GFPT1: variants seen among roughly 807,000 people sequenced by gnomAD.
The protein encoded by GFPT1 is glutamine--fructose-6-phosphate transaminase 1.
GFPT1 carries 40 observed loss-of-function variants against 92.0 expected under a neutral mutation model. The observed-to-expected ratio is 0.43, with a 90% CI of 0.34 to 0.57. The LOEUF (loss-of-function observed/expected upper bound fraction) is 0.57, where lower values mean the gene tolerates loss of function less well. Ranked by LOEUF, GFPT1 falls within the 20% of genes least tolerant of loss-of-function variation. The probability of loss-of-function intolerance (pLI) is 0.02; values close to 1 mark genes in which losing one functional copy is unlikely to be tolerated. For synonymous variants in GFPT1, 269 were observed against 280.6 expected, an observed-to-expected ratio of 0.96 and a Z score of 0.41; for missense variants, 448 against 869.1, an observed-to-expected ratio of 0.52 and a Z score of 6.09.
At chr2:69,333,180 CACAAA>C (rs1670711916) in intron 15 of GFPT1, among the ~76,000 whole-genome samples, 1 of 152,090 alleles carries the variant, frequency 6.6e-6, no homozygotes, top group Admixed American at 6.6e-5. Flanking sequence ...ATCAATTAAT[CACAAA>C]ACATACTACC....
At chr2:69,367,559 C>G (rs1369461948) in intron 3 of GFPT1, among the ~76,000 whole-genome samples, 1 of 152,122 alleles carries the variant, frequency 6.6e-6, no homozygotes, top group Non-Finnish European at 1.5e-5. Flanking sequence ...TGGGGTTTCA[C>G]CATGTTGCCC....
intron 15 of GFPT1, among the ~76,000 whole-genome samples, chr2:69,331,717 C>G (rs771686021): frequency 5.4e-4 from 80 of 149,034 alleles, no homozygotes; most frequent in Non-Finnish European, 9.3e-4. Flanking sequence ...TAATATATTT[C>G]TGAATATAAT....
chr2:69,370,457 A>G (rs1044025206), intron 2 of GFPT1, among the ~76,000 whole-genome samples: 6 of 152,348 alleles, frequency 3.9e-5, no homozygotes, highest in African/African-American at 1.4e-4. Flanking sequence ...GAAGGTAGCT[A>G]AGGAAAGAAG....
At position 69,325,813 on chromosome 2, in the gene GFPT1, C is replaced by T. The variant is rs1275725142; in HGVS notation, c.*376G>A. On this transcript the variant is annotated 3_prime_UTR_variant, in exon 20 of 20. Transcript: ENST00000357308. ...GCTTTAGATACTCCAATTAAATGCA[C>T]TACTCTTTCACTGGTCTGAATGAAG... 5.4e-6 allele frequency: 1 copy of T among 186,582 alleles called. No individual in the cohort carries two copies. Among genetic ancestry groups the T allele is most frequent in the East Asian group, 1.4e-4 (1 of 7,308 alleles). The allele number at this position is 186,582 out of a possible 1,614,324, so 11.6% of individuals were successfully genotyped here.
Position 69,326,859 on chromosome 2 carries a change from G to A in GFPT1, c.2055+55C>T. 2.0e-6 allele frequency: 3 copies of A among 1,526,548 alleles called. No homozygotes were observed. In the East Asian group the frequency reaches 6.7e-5, roughly 34 times the overall value. 94.6% of individuals were successfully genotyped at this position (1,526,548 alleles called of 1,614,324 possible). A position where few individuals can be genotyped will look rare whatever the true frequency, so the allele number is the denominator to read the frequency against. The stretch of plus-strand genomic sequence containing the variant: ...TTAAAAATTTAGGAGAAAAAAATCA[G>A]AATGTATCCAGGTAAAAAACCATCC... On this transcript the variant is annotated intron_variant, in intron 19 of 19. Transcript: ENST00000357308.
chr2:69,321,742 C>T lies in GFPT1; in HGVS notation c.*4447G>A, dbSNP rs1670407447. ...AGCAAAAACACATTCAACCACAGAA[C>T]ATTCAGAAAGCTAACAGGATCATTT... On this transcript the variant is annotated 3_prime_UTR_variant, in exon 20 of 20. Transcript: ENST00000357308. The T allele has an allele frequency of 6.6e-6, 1 of 152,150 alleles. No homozygotes were observed. The highest frequency in any genetic ancestry group is 6.5e-5 in the Admixed American group (1 of 15,278). The allele number at this position is 152,150 out of a possible 1,614,324, so 9.4% of individuals were successfully genotyped here.
chr2:69,338,386 T>C (rs908850940), intron 14 of GFPT1, 59 bp downstream of exon 14: 3 of 1,446,002 alleles, frequency 2.1e-6, no homozygotes, highest in Middle Eastern at 1.7e-4. Context: ...TGCCAAGATA[T>C]GCTAGAATTA....
intron 13 of GFPT1, among the ~76,000 whole-genome samples, chr2:69,339,728 C>A (rs1670891321): frequency 6.6e-6 from 1 of 152,084 alleles, no homozygotes; most frequent in Non-Finnish European, 1.5e-5. Flanking sequence ...CTTTTGCTTG[C>A]CCACAAATTT....
rs77447804 is a variant in GFPT1, at chr2:69,327,238, G to A, written c.1894-163C>T. 7.2e-3 allele frequency among the ~76,000 whole-genome samples: 1,091 copies of A among 152,216 alleles called. 6 individuals are homozygous for A. Among genetic ancestry groups the A allele is most frequent in the Middle Eastern group, 0.027 (8 of 294 alleles). On this transcript the variant is annotated intron_variant, in intron 18 of 19. Coordinates refer to ENST00000357308, the MANE Select transcript of GFPT1 (RefSeq NM_001244710.2). ...AATCTGATTGTTATTACTTATAGTCGAGGAAACAGAAGCGTTATGGGATCC... is the reference window on the plus strand; with the variant it reads ...AATCTGATTGTTATTACTTATAGTCAAGGAAACAGAAGCGTTATGGGATCC...
chr2:69,348,591 C>T (rs142327506), intron 10 of GFPT1, among the ~76,000 whole-genome samples: 8 of 152,264 alleles, frequency 5.3e-5, no homozygotes, highest in African/African-American at 1.7e-4. Flanking sequence ...TTGTTTCCTC[C>T]TCATTCTATC....
intron 15 of GFPT1, among the ~76,000 whole-genome samples, chr2:69,331,263 T>A (rs1299127383): frequency 6.6e-6 from 1 of 152,214 alleles, no homozygotes; most frequent in Non-Finnish European, 1.5e-5. Context: ...TTTTCATGTT[T>A]GTTGACCATT....
At chr2:69,341,648 TAC>T (rs35356748) in intron 13 of GFPT1, among the ~76,000 whole-genome samples, 25,391 of 151,930 alleles carry the variant, frequency 0.17, 2,320 homozygotes, top group African/African-American at 0.22. Flanking sequence ...GCACTGACAA[TAC>T]ACATTTTTGA....
intron 1 of GFPT1, among the ~76,000 whole-genome samples, chr2:69,376,450 C>T (rs1671872083): frequency 6.6e-6 from 1 of 151,408 alleles, no homozygotes. Context: ...ACCCAGGAGG[C>T]GGAGGTTGCA....
intron 9 of GFPT1, among the ~76,000 whole-genome samples, chr2:69,350,552 TAA>T (rs1558751698): frequency 6.6e-6 from 1 of 152,154 alleles, no homozygotes; most frequent in Non-Finnish European, 1.5e-5. Context: ...TCTTAACACA[TAA>T]AAGTTTGTGT....
rs1670420574 is a variant in GFPT1 at position 69,322,384 on chromosome 2, T to G, written c.*3805A>C. Reference sequence around the variant, plus strand: ...CTTTTATTGCTATGGTATATGCTAATTTTTTTAAAAGGGGAAAAAAAAACC... The same window carrying G: ...CTTTTATTGCTATGGTATATGCTAAGTTTTTTAAAAGGGGAAAAAAAAACC... On this transcript the variant is annotated 3_prime_UTR_variant, in exon 20 of 20. Transcript: ENST00000357308. The G allele has an allele frequency of 6.6e-6, 1 of 151,048 alleles. No homozygotes were observed. The allele number at this position is 151,048 out of a possible 1,614,324, so 9.4% of individuals were successfully genotyped here. A position where few individuals can be genotyped will look rare whatever the true frequency, so the allele number is the denominator to read the frequency against.
intron 12 of GFPT1, among the ~76,000 whole-genome samples, chr2:69,345,439 C>G (rs1204655888): frequency 1.3e-5 from 2 of 152,180 alleles, no homozygotes; most frequent in Non-Finnish European, 2.9e-5. Context: ...GCAACGGGAC[C>G]AGGTCTTATT....
chr2:69,343,507 T>G lies in GFPT1; in HGVS notation c.1106-1258A>C, dbSNP rs532419223. On this transcript the variant is annotated intron_variant, in intron 12 of 19. Transcript: ENST00000357308. ...CTCACTGCAACCTCCACCTCCCAGG[T>G]TCAAGCGATTCTCCAGCCTTGGCCT... is the stretch of plus-strand genomic sequence containing the variant. 9.9e-5 allele frequency among the ~76,000 whole-genome samples: 15 copies of G among 151,858 alleles called. No individual in the cohort carries two copies. In the South Asian group the frequency reaches 2.3e-3, roughly 23 times the overall value.
At chr2:69,348,620 T>C (rs1220059717) in intron 10 of GFPT1, among the ~76,000 whole-genome samples, 1 of 152,148 alleles carries the variant, frequency 6.6e-6, no homozygotes, top group Non-Finnish European at 1.5e-5. Context: ...AGTCCTGAAA[T>C]TTTAACTTCC....
chr2:69,334,974 G>A (rs1194566094), intron 15 of GFPT1, among the ~76,000 whole-genome samples: 6 of 152,040 alleles, frequency 3.9e-5, no homozygotes, highest in Non-Finnish European at 8.8e-5. Flanking sequence ...TATGGTAGAA[G>A]CTAGATGGTG....
Sources: gnomAD v4.1 joint callset for allele counts (sites outside exome capture counted in the v4.1 genomes callset) on GRCh38, gnomAD v4.1.1 for gene constraint, MANE v1.5 for transcripts, NCBI Gene and HGNC (gene_info 2026-07-23, HGNC 2026-07-21) for gene names.